The following MTOR variants were observed in gnomAD, a reference collection of about 807,000 sequenced individuals.
MTOR encodes the protein mechanistic target of rapamycin kinase, also known as serine/threonine-protein kinase mTOR.
A neutral mutation model predicts 319.8 loss-of-function variants in MTOR; 70 were observed. The observed-to-expected ratio is 0.22, with a 90% CI of 0.18 to 0.27. The LOEUF is 0.27. Ranked by LOEUF, MTOR falls within the 10% of genes least tolerant of loss-of-function variation. The pLI is 1.00. For synonymous variants in MTOR, 1,183 were observed against 1,211.4 expected (o/e 0.98, Z 0.49); for missense variants, 1,890 against 3,274.4 (o/e 0.58, Z 10.32).
At chr1:11,234,122 C>T in intron 14 of MTOR, 21 bp downstream of exon 14, 3 of 1,614,046 alleles carry the variant, frequency 1.9e-6, no homozygotes, top group Non-Finnish European at 2.5e-6. Flanking sequence ...GAGAAAGCAC[C>T]AGCCTCTCGG....
chr1:11,161,047 G>A (rs549590320), intron 29 of MTOR, among the ~76,000 whole-genome samples: 3 of 152,336 alleles, frequency 2.0e-5, no homozygotes, highest in South Asian at 4.1e-4. Flanking sequence ...AAGGGAAGTT[G>A]TGACAGATGG....
intron 3 of MTOR, among the ~76,000 whole-genome samples, chr1:11,257,421 G>C (rs1035494503): frequency 2.7e-5 from 4 of 150,050 alleles, no homozygotes; most frequent in African/African-American, 9.8e-5. Flanking sequence ...AAATTAGCCA[G>C]GCGTGGTGGC....
At chr1:11,192,972 T>A (rs934089836) in intron 28 of MTOR, among the ~76,000 whole-genome samples, 1 of 151,962 alleles carries the variant, frequency 6.6e-6, no homozygotes, top group African/African-American at 2.4e-5. Context: ...CTAGAACAGC[T>A]ATTCCTTGGG....
intron 25 of MTOR, among the ~76,000 whole-genome samples, chr1:11,205,554 A>G (rs1303565867): frequency 1.3e-5 from 2 of 152,210 alleles, no homozygotes; most frequent in Non-Finnish European, 1.5e-5. Context: ...CTAGTTCTCT[A>G]AAGTTAGAAA....
At chr1:11,255,586 C>G (rs145704730) in intron 5 of MTOR, among the ~76,000 whole-genome samples, 2 of 152,058 alleles carry the variant, frequency 1.3e-5, no homozygotes, top group South Asian at 4.1e-4. Flanking sequence ...CGCGGTAGCT[C>G]ATGTCTGTAA....
chr1:11,242,764 C>G (rs1246073261), intron 9 of MTOR, among the ~76,000 whole-genome samples: 1 of 152,138 alleles, frequency 6.6e-6, no homozygotes, highest in African/African-American at 2.4e-5. Flanking sequence ...CCTTAGGTCC[C>G]TTCAGTTCCA....
chr1:11,178,260 T>G (rs568563800), intron 28 of MTOR, among the ~76,000 whole-genome samples: 1 of 152,294 alleles, frequency 6.6e-6, no homozygotes, highest in African/African-American at 2.4e-5. Flanking sequence ...AGCTGGCCCA[T>G]TTGACTCACC....
At chr1:11,252,430 C>G (rs189501513) in intron 6 of MTOR, among the ~76,000 whole-genome samples, 142 of 152,172 alleles carry the variant, frequency 9.3e-4, no homozygotes, top group African/African-American at 3.2e-3. Flanking sequence ...GGCCACTGCA[C>G]CCAGCCCTGG....
At chr1:11,110,676 A>G (rs1641815388) in intron 54 of MTOR, among the ~76,000 whole-genome samples, 2 of 152,118 alleles carry the variant, frequency 1.3e-5, no homozygotes, top group Admixed American at 1.3e-4. Flanking sequence ...GATTATAGGC[A>G]TGAACCACCG....
intron 49 of MTOR, among the ~76,000 whole-genome samples, chr1:11,120,686 T>G (rs1272288571): frequency 1.3e-5 from 2 of 152,310 alleles, no homozygotes; most frequent in East Asian, 3.9e-4. Context: ...CATAGTATTG[T>G]ATGTAACCTA....
intron 6 of MTOR, among the ~76,000 whole-genome samples, chr1:11,253,363 G>C (rs190423878): frequency 6.6e-6 from 1 of 151,882 alleles, no homozygotes; most frequent in African/African-American, 2.4e-5. Flanking sequence ...CACATTATTC[G>C]CCTGTGTGCA....
At chr1:11,197,615 C>T (rs1350623089) in intron 28 of MTOR, among the ~76,000 whole-genome samples, 1 of 152,210 alleles carries the variant, frequency 6.6e-6, no homozygotes, top group Non-Finnish European at 1.5e-5. Context: ...AATCTTGGCT[C>T]ATTGCAACCT....
At chr1:11,157,034 T>G (rs1002135834) in intron 30 of MTOR, 118 bp downstream of exon 30, 3 of 1,291,182 alleles carry the variant, frequency 2.3e-6, no homozygotes, top group African/African-American at 1.5e-5. Context: ...AAGTATCAAG[T>G]GGAACAAAAT....
In MTOR at chr1:11,139,153, C is replaced by T. The variant is rs1570968763; in HGVS notation, c.5130+151G>A. 7 of 1,093,140 alleles carry T rather than the reference C, an allele frequency of 6.4e-6. No homozygotes were observed. In the East Asian group the frequency reaches 1.7e-4, roughly 26 times the overall value. 67.7% of individuals were successfully genotyped at this position (1,093,140 alleles called of 1,614,324 possible). A position where few individuals can be genotyped will look rare whatever the true frequency, so the allele number is the denominator to read the frequency against. ...TATGATTCACTCTATGAAATCAGGCCAAATAGCTTTGTAACAGGAAGAGAC... is the reference window on the plus strand; with the variant it reads ...TATGATTCACTCTATGAAATCAGGCTAAATAGCTTTGTAACAGGAAGAGAC... On this transcript the variant is annotated intron_variant, in intron 36 of 57. Transcript: ENST00000361445.
At chr1:11,193,660 G>A (rs750295868) in intron 28 of MTOR, 1 of 1,614,020 alleles carries the variant, frequency 6.2e-7, no homozygotes, top group Non-Finnish European at 8.5e-7. Context: ...CCTTCTACCG[G>A]GACTGGAAGC....
chr1:11,240,207 C>T, intron 11 of MTOR, 96 bp downstream of exon 11: 1 of 1,475,248 alleles, frequency 6.8e-7, no homozygotes, highest in Non-Finnish European at 9.0e-7. Context: ...GTCTTTAGCA[C>T]CCCAGCAAGA....
At chr1:11,237,240 G>A (rs555142485) in intron 13 of MTOR, among the ~76,000 whole-genome samples, 2 of 152,176 alleles carry the variant, frequency 1.3e-5, no homozygotes, top group Admixed American at 1.3e-4. Context: ...CTCACCAGGA[G>A]GCCACAGATC....
chr1:11,251,031 G>A (rs1173481759), intron 6 of MTOR, among the ~76,000 whole-genome samples: 1 of 152,108 alleles, frequency 6.6e-6, no homozygotes, highest in South Asian at 2.1e-4. Context: ...TTTAGTCCTT[G>A]ACCCTCTAAC....
chr1:11,180,691 G>A (rs567120679), intron 28 of MTOR, among the ~76,000 whole-genome samples: 3 of 152,176 alleles, frequency 2.0e-5, no homozygotes, highest in African/African-American at 7.2e-5. Flanking sequence ...GCAATATAAT[G>A]GACATTTGAT....
Sources: gnomAD v4.1 joint callset for allele counts (sites outside exome capture counted in the v4.1 genomes callset) on GRCh38, gnomAD v4.1.1 for gene constraint, MANE v1.5 for transcripts, NCBI Gene and HGNC (gene_info 2026-07-23, HGNC 2026-07-21) for gene names.